NTRK2: variants seen among roughly 807,000 people sequenced by gnomAD.
NTRK2 encodes the protein BDNF/NT-3 growth factors receptor.
In NTRK2, 13 loss-of-function variants were observed where a neutral mutation model predicts 94.5. The ratio of observed to expected loss-of-function variants is 0.14; its 90% CI spans 0.09 to 0.22. The LOEUF is 0.22. Among genes scored for constraint, NTRK2 ranks in the 10% least tolerant of loss-of-function variants. The pLI is 1.00. For missense variants in NTRK2, 639 were observed against 1,071.2 expected (o/e 0.60, Z 5.63); for synonymous variants, 372 against 407.4 (o/e 0.91, Z 1.05).
At chr9:84,858,506 TGA>T (rs1467723324) in intron 12 of NTRK2, among the ~76,000 whole-genome samples, 1 of 152,150 alleles carries the variant, frequency 6.6e-6, no homozygotes, top group African/African-American at 2.4e-5. Context: ...AGCTGTATTC[TGA>T]GTGCAGTCAG....
At position 84,945,360 on chromosome 9, in the gene NTRK2, G is replaced by C. The variant is rs534997410; in HGVS notation, c.1765-3102G>C. 2.6e-5 allele frequency among the ~76,000 whole-genome samples: 4 copies of C among 152,290 alleles called. No homozygotes were observed. The South Asian group carries it at 6.2e-4, about 24-fold the overall frequency. ...AGGGTGAACAGGACACACTTCGACTGTCAAAGGCAGGAGTGGAGACAGGCA... is the reference window on the plus strand; with the variant it reads ...AGGGTGAACAGGACACACTTCGACTCTCAAAGGCAGGAGTGGAGACAGGCA... On this transcript the variant is annotated intron_variant, in intron 15 of 18. Transcript: ENST00000277120.
At chr9:84,910,217 A>G (rs2077199552) in intron 14 of NTRK2, among the ~76,000 whole-genome samples, 1 of 152,152 alleles carries the variant, frequency 6.6e-6, no homozygotes. Context: ...GGCTGTTATA[A>G]TAAATTACCA....
intron 17 of NTRK2, among the ~76,000 whole-genome samples, chr9:84,984,470 T>TCAAACAAA (rs373772830): frequency 6.7e-6 from 1 of 149,496 alleles, no homozygotes. Context: ...AGACTATATC[T>TCAAACAAA]CAAACAAACA....
At chr9:84,960,159 T>G (rs7019212) in intron 17 of NTRK2, among the ~76,000 whole-genome samples, 18,554 of 152,170 alleles carry the variant, frequency 0.12, 1,308 homozygotes, top group African/African-American at 0.2. Context: ...AACTCTAAAG[T>G]GTTAAAGAGA....
chr9:84,871,531 T>C (rs2075866432), intron 14 of NTRK2, among the ~76,000 whole-genome samples: 1 of 152,210 alleles, frequency 6.6e-6, no homozygotes, highest in Admixed American at 6.5e-5. Flanking sequence ...ACAAGCTCAA[T>C]ACTTGCATAG....
intron 6 of NTRK2, among the ~76,000 whole-genome samples, chr9:84,712,240 T>C (rs2061456384): frequency 6.6e-6 from 1 of 152,194 alleles, no homozygotes; most frequent in Non-Finnish European, 1.5e-5. Context: ...TTTTTTCCAT[T>C]GTAATTTTTG....
intron 17 of NTRK2, among the ~76,000 whole-genome samples, chr9:84,988,565 C>T (rs1828653443): frequency 6.6e-6 from 1 of 152,174 alleles, no homozygotes; most frequent in Admixed American, 6.5e-5. Flanking sequence ...TCATAGAAAA[C>T]TTTGTGATGG....
intron 14 of NTRK2, among the ~76,000 whole-genome samples, chr9:84,869,899 C>T (rs2075763730): frequency 1.3e-5 from 2 of 151,642 alleles, no homozygotes; most frequent in African/African-American, 2.4e-5. Flanking sequence ...AATATATTAG[C>T]CAATTTAAAC....
chr9:84,856,190 A>C (rs2075054219), intron 12 of NTRK2, among the ~76,000 whole-genome samples: 1 of 152,204 alleles, frequency 6.6e-6, no homozygotes, highest in Admixed American at 6.5e-5. Flanking sequence ...CAAGGGATGG[A>C]GCCAAGTGAA....
chr9:84,743,553 A>G (rs1317090634), intron 10 of NTRK2, among the ~76,000 whole-genome samples: 3 of 152,166 alleles, frequency 2.0e-5, no homozygotes, highest in African/African-American at 4.8e-5. Flanking sequence ...TTGTCTTGAT[A>G]TGGTTTAAAG....
rs147756657 is a variant in NTRK2, at chr9:84,716,873, T to C, written c.583+6082T>C. On this transcript the variant is annotated intron_variant, in intron 6 of 18. Transcript: ENST00000277120. ...TAGAAGTGCAGTTTCAAATTTGAGC[T>C]TGCAAAGTCATTTTGCTAACTTTCT... Among the ~76,000 whole-genome samples the C allele has an allele frequency of 9.2e-5, 14 of 152,358 alleles. 1 individual carries two copies. The South Asian group carries it at 1.2e-3, about 14-fold the overall frequency.
intron 13 of NTRK2, among the ~76,000 whole-genome samples, chr9:84,862,692 G>A (rs576158163): frequency 6.6e-6 from 1 of 152,298 alleles, no homozygotes; most frequent in East Asian, 1.9e-4. Context: ...CCAAAAGAAA[G>A]GGGCACACCA....
At chr9:84,957,727 A>G (rs77007478) in intron 17 of NTRK2, among the ~76,000 whole-genome samples, 1 of 152,318 alleles carries the variant, frequency 6.6e-6, no homozygotes, top group East Asian at 1.9e-4. Flanking sequence ...TAATTCAGTA[A>G]TTCTACTGCT....
At chr9:84,791,882 G>C (rs1233436168) in intron 12 of NTRK2, among the ~76,000 whole-genome samples, 1 of 152,036 alleles carries the variant, frequency 6.6e-6, no homozygotes, top group Non-Finnish European at 1.5e-5. Context: ...CTGGGAATAT[G>C]GTAAAACAAC....
chr9:84,767,085 T>C (rs1348784697), intron 12 of NTRK2, among the ~76,000 whole-genome samples: 1 of 152,182 alleles, frequency 6.6e-6, no homozygotes, highest in African/African-American at 2.4e-5. Flanking sequence ...GTCTTGACTT[T>C]TTCTTGAAAT....
chr9:84,955,940 G>T (rs1368117003), intron 17 of NTRK2, among the ~76,000 whole-genome samples: 1 of 152,110 alleles, frequency 6.6e-6, no homozygotes, highest in Non-Finnish European at 1.5e-5. Context: ...ATAAATTTTG[G>T]GGGGACGCAG....
rs530035193 is a variant in NTRK2 at position 84,842,608 on chromosome 9, C to T, written c.1397-18432C>T. Among the ~76,000 whole-genome samples the T allele has an allele frequency of 9.9e-5, 15 of 152,242 alleles. 1 individual carries two copies. Among genetic ancestry groups the T allele is most frequent in the African/African-American group, 1.9e-4 (8 of 41,554 alleles). ...TCACTCTGGGTTCTCCAGCAGAAACCGGCATGCTCATGGGTGCTCCCATCT... is the reference window on the plus strand; with the variant it reads ...TCACTCTGGGTTCTCCAGCAGAAACTGGCATGCTCATGGGTGCTCCCATCT... On this transcript the variant is annotated intron_variant, in intron 12 of 18. Coordinates refer to ENST00000277120, the MANE Select transcript of NTRK2 (RefSeq NM_006180.6).
At chr9:84,813,988 G>T in intron 12 of NTRK2, 2 of 1,065,282 alleles carry the variant, frequency 1.9e-6, no homozygotes, top group Non-Finnish European at 2.3e-6. Context: ...GACGACAAAA[G>T]TACAAACAGT....
At chr9:84,669,186 A>G (rs1053847580), upstream of NTRK2, 7 of 152,430 alleles carry the variant, frequency 4.6e-5, no homozygotes, top group African/African-American at 1.4e-4. The surrounding 1 kb of genome is among the most constrained non-coding windows in gnomAD (Gnocchi z 4.1). Flanking sequence ...GGTGTTTACA[A>G]CATTTATTTA....
Sources: allele counts gnomAD v4.1 joint callset (sites outside exome capture counted in the v4.1 genomes callset), GRCh38; gene constraint gnomAD v4.1.1; non-coding constraint Gnocchi (gnomAD v3.1); transcripts MANE v1.5; gene names NCBI Gene and HGNC (gene_info 2026-07-23, HGNC 2026-07-21).